Variants in NREP observed in about 807,000 individuals in gnomAD.
NREP encodes the protein neuronal regeneration related protein.
A neutral mutation model predicts 8.6 loss-of-function variants in NREP; 5 were observed. That is an observed-to-expected ratio of 0.58 (90% CI 0.30 to 1.22). The LOEUF is 1.22. NREP is among the 50% of genes most tolerant of loss of function. The pLI is 0.07. For missense variants in NREP, 86 were observed against 82.5 expected (o/e 1.04, Z -0.17); for synonymous variants, 27 against 28.0 (o/e 0.96, Z 0.11).
At chr5:111,778,504 T>C (rs1374812043) in intron 2 of NREP, among the ~76,000 whole-genome samples, 1 of 152,172 alleles carries the variant, frequency 6.6e-6, no homozygotes, top group Admixed American at 6.5e-5. Context: ...CAATTGTCAG[T>C]AGTATGAATT....
intron 2 of NREP, among the ~76,000 whole-genome samples, chr5:111,842,546 A>G (rs1002847222): frequency 6.6e-5 from 10 of 152,206 alleles, no homozygotes; most frequent in Non-Finnish European, 1.3e-4. Context: ...TATATTGTGC[A>G]TACATTAACA....
intron 2 of NREP, among the ~76,000 whole-genome samples, chr5:111,927,214 A>G (rs538020065): frequency 6.6e-6 from 1 of 152,162 alleles, no homozygotes; most frequent in African/African-American, 2.4e-5. Context: ...CTGACTAGCT[A>G]CCTACTCTAA....
intron 2 of NREP, among the ~76,000 whole-genome samples, chr5:111,814,610 A>T (rs1561677383): frequency 6.6e-6 from 1 of 152,144 alleles, no homozygotes; most frequent in Non-Finnish European, 1.5e-5. Flanking sequence ...TTGAGCAACT[A>T]TTATGTACCA....
intron 1 of NREP, among the ~76,000 whole-genome samples, chr5:111,756,757 T>C (rs1750739463): frequency 6.6e-6 from 1 of 152,114 alleles, no homozygotes. Context: ...ATTCATTTTA[T>C]AAAAAGGGAG....
At chr5:111,795,144 G>A (rs1210995338) in intron 2 of NREP, among the ~76,000 whole-genome samples, 1 of 152,112 alleles carries the variant, frequency 6.6e-6, no homozygotes, top group South Asian at 2.1e-4. Flanking sequence ...TCCATATTGT[G>A]TTTCTATTTT....
At position 111,751,438 on chromosome 5, in the gene NREP, G is replaced by A. The variant is rs545391339; in HGVS notation, c.3+4332C>T. On this transcript the variant is annotated intron_variant, in intron 2 of 3. Coordinates refer to ENST00000257435, the MANE Select transcript of NREP (RefSeq NM_004772.4). ...GAACTATTCTTGAAGCTCTTCCTAG[G>A]TACAAAATATATTCAGAAAAATCTA... 7.0e-4 allele frequency among the ~76,000 whole-genome samples: 106 copies of A among 151,988 alleles called. 1 individual carries two copies. The highest frequency in any genetic ancestry group is 2.1e-3 in the African/African-American group (88 of 41,470).
chr5:111,935,253 C>G (rs1420565347), intron 2 of NREP, among the ~76,000 whole-genome samples: 1 of 152,042 alleles, frequency 6.6e-6, no homozygotes, highest in African/African-American at 2.4e-5. Flanking sequence ...TTGATGAGCA[C>G]AGAGAGAGGC....
intron 2 of NREP, among the ~76,000 whole-genome samples, chr5:111,943,136 G>C (rs921683742): frequency 7.3e-5 from 11 of 151,642 alleles, no homozygotes; most frequent in Non-Finnish European, 1.2e-4. Context: ...CTCCTCTTTT[G>C]CATCTCCACT....
chr5:111,754,156 T>C (rs1016609446), intron 2 of NREP, among the ~76,000 whole-genome samples: 1 of 152,188 alleles, frequency 6.6e-6, no homozygotes, highest in Non-Finnish European at 1.5e-5. Flanking sequence ...TCTGCCACCA[T>C]ACATAAACGA....
At chr5:111,964,688 C>T (rs1283505693) in intron 2 of NREP, among the ~76,000 whole-genome samples, 2 of 151,760 alleles carry the variant, frequency 1.3e-5, no homozygotes, top group East Asian at 3.9e-4. Context: ...TGTTGATAGA[C>T]AACTGGCTGT....
intron 3 of NREP, among the ~76,000 whole-genome samples, 158 bp from the exon 4 acceptor site, chr5:111,731,204 A>T (rs1339861675): frequency 6.6e-6 from 1 of 152,228 alleles, no homozygotes; most frequent in Non-Finnish European, 1.5e-5. Context: ...CATATTAAAC[A>T]CAGTTCACCT....
intron 2 of NREP, among the ~76,000 whole-genome samples, chr5:111,753,342 A>ATATATATATG (rs1750493744): frequency 1.4e-5 from 2 of 147,324 alleles, no homozygotes; most frequent in South Asian, 2.1e-4. Context: ...ATATATATAT[A>ATATATATATG]TATATATATA....
intron 2 of NREP, among the ~76,000 whole-genome samples, chr5:111,955,310 G>C (rs1271052529): frequency 6.6e-6 from 1 of 151,908 alleles, no homozygotes; most frequent in African/African-American, 2.4e-5. Context: ...CAAAAAATGA[G>C]AAATTTTATA....
chr5:111,862,665 C>T (rs945029984), intron 2 of NREP, among the ~76,000 whole-genome samples: 1 of 151,954 alleles, frequency 6.6e-6, no homozygotes, highest in Admixed American at 6.6e-5. Flanking sequence ...TATCACGTAA[C>T]TCTTGTACAA....
chr5:111,832,832 T>C (rs1752806030), intron 2 of NREP, among the ~76,000 whole-genome samples: 1 of 152,174 alleles, frequency 6.6e-6, no homozygotes, highest in Non-Finnish European at 1.5e-5. Flanking sequence ...GTAGGACAAA[T>C]GCCACCCAGG....
chr5:111,954,197 C>T (rs897837262), intron 2 of NREP, among the ~76,000 whole-genome samples: 1 of 152,048 alleles, frequency 6.6e-6, no homozygotes, highest in Non-Finnish European at 1.5e-5. Context: ...TGATCATCTT[C>T]AGATATTAGA....
intron 2 of NREP, among the ~76,000 whole-genome samples, chr5:111,795,344 G>A (rs904788783): frequency 2.0e-5 from 3 of 152,156 alleles, no homozygotes; most frequent in African/African-American, 7.2e-5. Flanking sequence ...TGCTGACTCT[G>A]CTTTACAAGG....
intron 2 of NREP, among the ~76,000 whole-genome samples, chr5:111,896,512 T>C (rs1754514794): frequency 6.6e-6 from 1 of 152,168 alleles, no homozygotes; most frequent in Non-Finnish European, 1.5e-5. Context: ...TCATCCCTAG[T>C]ATACACCATA....
chr5:111,884,634 G>C (rs1399415266), intron 2 of NREP, among the ~76,000 whole-genome samples: 3 of 152,154 alleles, frequency 2.0e-5, no homozygotes, highest in Non-Finnish European at 4.4e-5. Flanking sequence ...CCATGATCAA[G>C]TGGGCTTCAT....
Sources: allele counts gnomAD v4.1 joint callset (sites outside exome capture counted in the v4.1 genomes callset), GRCh38; gene constraint gnomAD v4.1.1; transcripts MANE v1.5; gene names NCBI Gene and HGNC (gene_info 2026-07-23, HGNC 2026-07-21).